The following ACTR10 variants were observed in gnomAD, a reference collection of about 807,000 sequenced individuals.
The protein encoded by ACTR10 is actin-related protein 10.
In ACTR10, 43 loss-of-function variants were observed where a neutral mutation model predicts 56.2. That is an observed-to-expected ratio of 0.77 (90% confidence interval 0.60 to 0.99). The LOEUF (loss-of-function observed/expected upper bound fraction) is 0.99. Ranked by LOEUF, ACTR10 falls within the 50% of genes least tolerant of loss-of-function variation. ACTR10 has a pLI of 0.00. For synonymous variants in ACTR10, 170 were observed against 176.3 expected, an observed-to-expected ratio of 0.96 and a Z score of 0.28; for missense variants, 466 against 507.8, an observed-to-expected ratio of 0.92 and a Z score of 0.79.
intron 10 of ACTR10, among the ~76,000 whole-genome samples, chr14:58,225,817 A>G (rs553510060): frequency 9.9e-5 from 15 of 151,858 alleles, no homozygotes; most frequent in African/African-American, 1.4e-4. Context: ...GGTTCAAGCA[A>G]TTCTCATGCC....
intron 10 of ACTR10, among the ~76,000 whole-genome samples, chr14:58,224,470 C>T (rs1250150318): frequency 1.3e-5 from 2 of 152,060 alleles, no homozygotes; most frequent in Non-Finnish European, 2.9e-5. Context: ...TGGTCTCGAA[C>T]TCCTGACCTC....
At chr14:58,218,368 C>T (rs1039998571) in intron 7 of ACTR10, among the ~76,000 whole-genome samples, 1 of 151,878 alleles carries the variant, frequency 6.6e-6, no homozygotes, top group Non-Finnish European at 1.5e-5. Flanking sequence ...ATGTACTGGC[C>T]CCACAGGTAA....
intron 4 of ACTR10, among the ~76,000 whole-genome samples, chr14:58,209,697 C>T (rs535213093): frequency 6.6e-6 from 1 of 152,100 alleles, no homozygotes; most frequent in South Asian, 2.1e-4. Flanking sequence ...TATTTTATCA[C>T]CAAGAATATG....
chr14:58,202,020 A>C (rs1210917582), intron 1 of ACTR10, among the ~76,000 whole-genome samples: 1 of 151,698 alleles, frequency 6.6e-6, no homozygotes, highest in East Asian at 1.9e-4. Context: ...AAAAAAAAAA[A>C]AGTGATAGCA....
chr14:58,205,935 T>C (rs549510479), intron 2 of ACTR10, among the ~76,000 whole-genome samples: 2 of 151,918 alleles, frequency 1.3e-5, no homozygotes, highest in South Asian at 4.2e-4. Context: ...GGCAGGAGAA[T>C]CGCTTGAATC....
intron 7 of ACTR10, among the ~76,000 whole-genome samples, chr14:58,215,973 CTTTTTTTT>C (rs754573194): frequency 1.1e-4 from 15 of 135,750 alleles, no homozygotes; most frequent in Non-Finnish European, 1.8e-4. Context: ...TTCTTTCTTT[CTTTTTTTT>C]TTTTTTTTTA....
At chr14:58,223,382 C>T (rs1250847238) in intron 8 of ACTR10, 2 of 416,836 alleles carry the variant, frequency 4.8e-6, no homozygotes, top group East Asian at 4.8e-5. Context: ...AGGTGATCCG[C>T]CTGCCTCGGC....
At chr14:58,233,727 T>A (rs1889600473) in intron 12 of ACTR10, among the ~76,000 whole-genome samples, 1 of 152,218 alleles carries the variant, frequency 6.6e-6, no homozygotes, top group Non-Finnish European at 1.5e-5. Flanking sequence ...ATATGTACAT[T>A]TATACAGGTT....
chr14:58,234,409 G>C lies in ACTR10; in HGVS notation c.1112G>C (p.Arg371Pro). ...GCATTACAAGATATACTTGGGAGCCGTTCTGTTTCAAAGGAATATTATAAT... is the reference window on the plus strand; with the variant it reads ...GCATTACAAGATATACTTGGGAGCCCTTCTGTTTCAAAGGAATATTATAAT... ...FGALQDILGS[R>P]SVSKEYYNQT... The change falls in exon 13 of 13, where the codon CGT becomes CCT. Residue 371 changes from arginine (R) to proline (P), a missense_variant. Arg to Pro is a moderately radical substitution (Grantham distance 103). Transcript: ENST00000254286. 6.2e-7 allele frequency: 1 copy of C among 1,607,784 alleles called. No individual in the cohort carries two copies. The highest frequency in any genetic ancestry group is 8.5e-7 in the Non-Finnish European group (1 of 1,176,196).
At chr14:58,221,675 A>T (rs571535198) in intron 8 of ACTR10, among the ~76,000 whole-genome samples, 2 of 152,324 alleles carry the variant, frequency 1.3e-5, no homozygotes, top group East Asian at 3.9e-4. Context: ...TGGGATGCAG[A>T]GGTTGCAGTG....
chr14:58,211,386 G>T lies in ACTR10; in HGVS notation c.437G>T (p.Ser146Ile), dbSNP rs1263437575. Residue 146 changes from serine to isoleucine, a missense_variant, in exon 5 of 13, where the codon AGC becomes ATC. By Grantham distance (142) the Ser-to-Ile change is moderately radical (BLOSUM62 -2). Transcript: ENST00000254286. ...AMVLDCGYRESLVLPIYEGIP... is the reference protein window; with the variant it reads ...AMVLDCGYREILVLPIYEGIP... ...GTCCTAGATTGTGGATATAGGGAAAGCCTGGTGTTACCCATATCTTTTTTG... is the reference window on the plus strand; with the variant it reads ...GTCCTAGATTGTGGATATAGGGAAATCCTGGTGTTACCCATATCTTTTTTG... The T allele has an allele frequency of 6.2e-7, 1 of 1,612,852 alleles. No individual in the cohort carries two copies. The highest frequency in any genetic ancestry group is 8.5e-7 in the Non-Finnish European group (1 of 1,179,086).
chr14:58,203,816 A>G (rs1024005142), intron 2 of ACTR10, among the ~76,000 whole-genome samples: 1 of 152,246 alleles, frequency 6.6e-6, no homozygotes, highest in East Asian at 1.9e-4. Context: ...TTTGCATGTT[A>G]TAAAATTCAC....
intron 10 of ACTR10, among the ~76,000 whole-genome samples, chr14:58,228,720 A>T (rs1385621222): frequency 3.3e-4 from 20 of 60,504 alleles, no homozygotes; most frequent in African/African-American, 1.1e-3. Flanking sequence ...TTTTTTTTTT[A>T]AAGAGATGAG....
chr14:58,232,880 T>A (rs1889580054), intron 12 of ACTR10, among the ~76,000 whole-genome samples: 1 of 151,644 alleles, frequency 6.6e-6, no homozygotes, highest in South Asian at 2.1e-4. Context: ...TTCTTTTTTT[T>A]TTTTTTTGAG....
intron 10 of ACTR10, among the ~76,000 whole-genome samples, chr14:58,228,500 T>G (rs1424757144): frequency 6.6e-6 from 1 of 151,766 alleles, no homozygotes; most frequent in African/African-American, 2.4e-5. Flanking sequence ...CACAGGCCTG[T>G]AATCACACCT....
In ACTR10 at chr14:58,234,423, G is replaced by C; in HGVS notation, c.1126G>C (p.Glu376Gln). ...DILGSRSVSK[E>Q]YYNQTGRIPD... The stretch of plus-strand genomic sequence containing the variant: ...ACTTGGGAGCCGTTCTGTTTCAAAG[G>C]AATATTATAATCAGACGGGCCGTAT... Residue 376 changes from glutamate to glutamine, a missense_variant, in exon 13 of 13, where the codon GAA becomes CAA. Physicochemically the swap from Glu to Gln is conservative, Grantham distance 29. Transcript: ENST00000254286. 1 of 1,611,222 alleles carries C rather than the reference G, an allele frequency of 6.2e-7. No individual in the cohort carries two copies. Among genetic ancestry groups the C allele is most frequent in the Non-Finnish European group, 8.5e-7 (1 of 1,178,266 alleles).
chr14:58,211,961 TTTTTC>T (rs2140048705), intron 5 of ACTR10, among the ~76,000 whole-genome samples: 1 of 146,910 alleles, frequency 6.8e-6, no homozygotes, highest in South Asian at 2.2e-4. Context: ...AAGAATACGT[TTTTTC>T]TTTTCTTTTT....
chr14:58,222,764 GAAAAAAAAAAA>G (rs58412717), intron 8 of ACTR10, among the ~76,000 whole-genome samples: 1 of 76,342 alleles, frequency 1.3e-5, no homozygotes, highest in African/African-American at 4.9e-5. Flanking sequence ...GACTCTGTCA[GAAAAAAAAAAA>G]AAAAAAAAAA....
intron 2 of ACTR10, chr14:58,207,165 T>G (rs1382504671): frequency 1.2e-5 from 2 of 164,714 alleles, no homozygotes; most frequent in African/African-American, 2.4e-5. Flanking sequence ...TTCAGCCTCC[T>G]GAGTAGCTGG....
Sources: gnomAD v4.1 joint callset for allele counts (sites outside exome capture counted in the v4.1 genomes callset) on GRCh38, gnomAD v4.1.1 for gene constraint, MANE v1.5 for transcripts, NCBI Gene and HGNC (gene_info 2026-07-23, HGNC 2026-07-21) for gene names.